STK39: variants seen among roughly 807,000 people sequenced by gnomAD.
STK39 encodes STE20/SPS1-related proline-alanine-rich protein kinase.
STK39 carries 20 observed loss-of-function variants against 77.8 expected under a neutral mutation model. That is an observed-to-expected ratio of 0.26 (90% CI 0.18 to 0.37). STK39 has a LOEUF of 0.37. Among genes scored for constraint, STK39 ranks in the 10% least tolerant of loss-of-function variants. The probability of loss-of-function intolerance (pLI) is 1.00; values close to 1 mark genes in which losing one functional copy is unlikely to be tolerated. For synonymous variants in STK39, 246 were observed against 234.1 expected (o/e 1.05, Z -0.47); for missense variants, 479 against 656.5 (o/e 0.73, Z 2.95).
At chr2:168,235,860 G>A (rs1474474556) in intron 1 of STK39, among the ~76,000 whole-genome samples, 1 of 152,036 alleles carries the variant, frequency 6.6e-6, no homozygotes, top group Non-Finnish European at 1.5e-5. Flanking sequence ...ATCATTGTTG[G>A]ACATCTGGGT....
chr2:168,059,640 C>T (rs1019496375), intron 14 of STK39, among the ~76,000 whole-genome samples: 3 of 152,126 alleles, frequency 2.0e-5, no homozygotes, highest in Admixed American at 6.5e-5. Flanking sequence ...TTTCAGCCTG[C>T]GAGACACTGA....
At chr2:167,979,670 T>G (rs1475891890) in intron 16 of STK39, among the ~76,000 whole-genome samples, 2 of 152,226 alleles carry the variant, frequency 1.3e-5, no homozygotes, top group African/African-American at 2.4e-5. Flanking sequence ...AAAACATACA[T>G]AGAGGCATCA....
At chr2:168,067,153 C>T (rs973061786) in intron 12 of STK39, among the ~76,000 whole-genome samples, 4 of 152,082 alleles carry the variant, frequency 2.6e-5, no homozygotes, top group African/African-American at 9.7e-5. Context: ...ACCCAGAAGG[C>T]GGAGATTGCA....
intron 5 of STK39, among the ~76,000 whole-genome samples, chr2:168,143,191 AAAC>A (rs1020911366): frequency 6.6e-6 from 1 of 152,206 alleles, no homozygotes; most frequent in South Asian, 2.1e-4. Context: ...GCTTTAAGAA[AAAC>A]AACAACAACA....
rs367767388 is a variant in STK39 at position 168,182,013 on chromosome 2, A to G, written c.286T>C (p.Leu96=). The change falls in exon 2 of 18, where the codon TTG becomes CTG. Residue 96 remains leucine (L), a synonymous_variant. Coordinates refer to ENST00000355999, the MANE Select transcript of STK39 (RefSeq NM_013233.3). ...TCCATACTGGTCTGGCATTTTTCCA[A>G]GTTGATCCGTTTTATTGCTACACGT... ...QERVAIKRIN[L]EKCQTSMDEL... is the part of the protein sequence containing the mutation. The G allele has an allele frequency of 1.9e-6, 3 of 1,613,900 alleles. No individual in the cohort carries two copies. The highest frequency in any genetic ancestry group is 3.3e-5 in the Admixed American group (2 of 60,000).
intron 16 of STK39, among the ~76,000 whole-genome samples, chr2:167,969,341 T>C (rs1028970000): frequency 6.6e-6 from 1 of 152,204 alleles, no homozygotes; most frequent in Non-Finnish European, 1.5e-5. Flanking sequence ...GTTACCTCCT[T>C]GAGCAATGCT....
At chr2:168,145,513 CAAAAAAGCCAAACATTGGAATCTTTAT>C (rs1233757392) in intron 5 of STK39, among the ~76,000 whole-genome samples, 1 of 151,920 alleles carries the variant, frequency 6.6e-6, no homozygotes, top group Non-Finnish European at 1.5e-5. Flanking sequence ...CCAGTTTTCC[CAAAAAAGCCAAACATTGGAATCTTTAT>C]GAAAAAGCTC....
rs968962071 is a variant in STK39, at chr2:167,986,170, C to T, written c.1499-21444G>A. 1.3e-4 allele frequency among the ~76,000 whole-genome samples: 20 copies of T among 152,314 alleles called. 1 individual carries two copies. Among genetic ancestry groups the T allele is most frequent in the African/African-American group, 4.8e-4 (20 of 41,568 alleles). On this transcript the variant is annotated intron_variant, in intron 16 of 17. Coordinates refer to ENST00000355999, the MANE Select transcript of STK39 (RefSeq NM_013233.3). ...ATCTTAAACATACACTTCAGGAACA[C>T]TGACTGCCCTTAATGCCAACTACAA...
intron 5 of STK39, among the ~76,000 whole-genome samples, chr2:168,157,956 C>G (rs547066264): frequency 2.0e-5 from 3 of 152,088 alleles, no homozygotes; most frequent in Admixed American, 6.5e-5. Context: ...AAAAGATTAG[C>G]AGAAACCACC....
intron 10 of STK39, among the ~76,000 whole-genome samples, chr2:168,129,323 A>G (rs1687621519): frequency 6.6e-6 from 1 of 152,252 alleles, no homozygotes; most frequent in Non-Finnish European, 1.5e-5. Flanking sequence ...AAAGGGAAAA[A>G]TGAAATCATT....
intron 1 of STK39, among the ~76,000 whole-genome samples, chr2:168,245,171 G>A (rs995511052): frequency 2.0e-5 from 3 of 152,270 alleles, no homozygotes; most frequent in African/African-American, 7.2e-5. Context: ...GGTTAGTGAA[G>A]GCAACAGTGG....
At chr2:168,235,129 T>C (rs75890055) in intron 1 of STK39, among the ~76,000 whole-genome samples, 3,733 of 151,838 alleles carry the variant, frequency 0.025, 154 homozygotes, top group African/African-American at 0.081. Flanking sequence ...CCACCGCTTC[T>C]CGGGTTCAGG....
intron 1 of STK39, among the ~76,000 whole-genome samples, chr2:168,237,388 A>C (rs999201557): frequency 6.6e-6 from 1 of 152,208 alleles, no homozygotes; most frequent in Non-Finnish European, 1.5e-5. Context: ...TGTCATCTGC[A>C]AACAGGGACA....
intron 10 of STK39, among the ~76,000 whole-genome samples, chr2:168,105,798 T>A (rs1026164920): frequency 6.6e-6 from 1 of 152,186 alleles, no homozygotes; most frequent in Non-Finnish European, 1.5e-5. Context: ...GAAATGAAAT[T>A]GGCTGTGCCC....
intron 1 of STK39, among the ~76,000 whole-genome samples, chr2:168,193,298 T>A (rs997008631): frequency 6.6e-6 from 1 of 152,128 alleles, no homozygotes. Flanking sequence ...GAAGTCTTTC[T>A]TCCCCCCCCT....
chr2:168,136,003 G>A (rs1181296011), intron 8 of STK39, among the ~76,000 whole-genome samples: 1 of 142,860 alleles, frequency 7.0e-6, no homozygotes, highest in Non-Finnish European at 1.5e-5. Flanking sequence ...TTTTTTTTTG[G>A]TGGAATAGAA....
At chr2:167,987,780 G>A (rs574215237) in intron 16 of STK39, among the ~76,000 whole-genome samples, 22 of 152,258 alleles carry the variant, frequency 1.4e-4, no homozygotes, top group African/African-American at 4.8e-4. Flanking sequence ...TAATTTCACT[G>A]TTGAGCAAGT....
At chr2:168,196,201 A>G (rs367623347) in intron 1 of STK39, among the ~76,000 whole-genome samples, 2 of 152,226 alleles carry the variant, frequency 1.3e-5, no homozygotes, top group Non-Finnish European at 2.9e-5. Flanking sequence ...CTCAATTTAC[A>G]TCTTATACAA....
intron 14 of STK39, among the ~76,000 whole-genome samples, chr2:168,051,746 C>T (rs1213013762): frequency 2.6e-5 from 4 of 152,194 alleles, no homozygotes; most frequent in Non-Finnish European, 4.4e-5. Flanking sequence ...AGCCACAGCG[C>T]CCAGCCCCCT....
Sources: gnomAD v4.1 joint callset for allele counts (sites outside exome capture counted in the v4.1 genomes callset) on GRCh38, gnomAD v4.1.1 for gene constraint, MANE v1.5 for transcripts, NCBI Gene and HGNC (gene_info 2026-07-23, HGNC 2026-07-21) for gene names.